Variants in DTNB observed in about 807,000 individuals in gnomAD.
DTNB encodes DTN-B.
In DTNB, 63 loss-of-function variants were observed where a neutral mutation model predicts 90.7. The observed-to-expected ratio is 0.69, with a 90% CI of 0.57 to 0.86. DTNB has a LOEUF of 0.86. Ranked by LOEUF, DTNB falls within the 40% of genes least tolerant of loss-of-function variation. The probability of loss-of-function intolerance (pLI) is 0.00; values close to 1 mark genes in which losing one functional copy is unlikely to be tolerated. For missense variants in DTNB, 744 were observed against 807.1 expected (o/e 0.92, Z 0.95); for synonymous variants, 277 against 286.7 (o/e 0.97, Z 0.34).
chr2:25,619,221 G>A (rs556219136), intron 4 of DTNB, among the ~76,000 whole-genome samples: 1 of 152,198 alleles, frequency 6.6e-6, no homozygotes, highest in South Asian at 2.1e-4. Context: ...AATGATTGTG[G>A]ATGCTGCCAA....
intron 8 of DTNB, among the ~76,000 whole-genome samples, chr2:25,563,301 G>A (rs954636698): frequency 2.6e-5 from 4 of 152,138 alleles, no homozygotes; most frequent in African/African-American, 9.7e-5. Flanking sequence ...GTTAGTTGGG[G>A]TGTTGTTTTT....
chr2:25,517,073 G>A (rs2075270884), intron 9 of DTNB, among the ~76,000 whole-genome samples: 1 of 151,934 alleles, frequency 6.6e-6, no homozygotes, highest in African/African-American at 2.4e-5. Flanking sequence ...ACTGGTGAAT[G>A]GATAACAAAA....
chr2:25,492,111 C>T (rs370699394), intron 9 of DTNB, among the ~76,000 whole-genome samples: 1 of 152,014 alleles, frequency 6.6e-6, no homozygotes, highest in Non-Finnish European at 1.5e-5. Flanking sequence ...AACAGCATGA[C>T]GTTAGATCAT....
intron 7 of DTNB, among the ~76,000 whole-genome samples, chr2:25,577,837 C>T (rs1177011423): frequency 6.6e-6 from 1 of 152,074 alleles, no homozygotes; most frequent in African/African-American, 2.4e-5. Context: ...CCCGTCTCTA[C>T]TAAAAATATA....
intron 15 of DTNB, among the ~76,000 whole-genome samples, chr2:25,422,670 T>A (rs776163626): frequency 2.0e-4 from 31 of 152,084 alleles, no homozygotes; most frequent in Non-Finnish European, 4.0e-4. Context: ...AGTGTTGGGA[T>A]TATAGGCATG....
chr2:25,645,039 T>G (rs1297842829), intron 2 of DTNB, among the ~76,000 whole-genome samples: 3 of 152,180 alleles, frequency 2.0e-5, no homozygotes, highest in East Asian at 1.9e-4. Flanking sequence ...GATTTAGACT[T>G]AAATTTATCT....
At chr2:25,418,107 T>C (rs1437384923) in intron 16 of DTNB, among the ~76,000 whole-genome samples, 1 of 152,188 alleles carries the variant, frequency 6.6e-6, no homozygotes, top group Non-Finnish European at 1.5e-5. Context: ...CAATAAACTC[T>C]GTGTGAATAA....
chr2:25,503,265 G>A (rs1157565876), intron 9 of DTNB, among the ~76,000 whole-genome samples: 2 of 151,630 alleles, frequency 1.3e-5, no homozygotes, highest in African/African-American at 4.9e-5. Context: ...TGAGACAGGA[G>A]GATCACTTGA....
intron 8 of DTNB, among the ~76,000 whole-genome samples, chr2:25,563,619 G>A (rs1227253254): frequency 3.3e-5 from 5 of 152,110 alleles, no homozygotes; most frequent in African/African-American, 1.2e-4. Flanking sequence ...TTTTGAATTC[G>A]TGTTTCATAT....
chr2:25,638,683 TTG>T (rs1483086462), intron 3 of DTNB, among the ~76,000 whole-genome samples: 12 of 152,208 alleles, frequency 7.9e-5, no homozygotes, highest in Admixed American at 3.3e-4. Context: ...ATCAAAAACA[TTG>T]TTTTTCTTTT....
chr2:25,622,344 C>T (rs573375950), intron 4 of DTNB, among the ~76,000 whole-genome samples: 16 of 152,170 alleles, frequency 1.1e-4, no homozygotes, highest in African/African-American at 3.1e-4. Context: ...ATTAGCCAGG[C>T]GTGGTGGCGT....
chr2:25,497,725 T>C (rs527364009), intron 9 of DTNB: 19 of 152,324 alleles, frequency 1.2e-4, no homozygotes, highest in African/African-American at 4.1e-4. Flanking sequence ...CATCATGAGA[T>C]TGTCTCTGCC....
intron 13 of DTNB, 42 bp downstream of exon 13, chr2:25,433,867 TA>T: frequency 6.2e-7 from 1 of 1,603,576 alleles, no homozygotes; most frequent in Non-Finnish European, 8.5e-7. Flanking sequence ...ACGCACGTGA[TA>T]ATCCTGGACT....
chr2:25,592,177 C>A (rs1410602597), intron 6 of DTNB, among the ~76,000 whole-genome samples: 1 of 151,506 alleles, frequency 6.6e-6, no homozygotes, highest in Admixed American at 6.6e-5. Flanking sequence ...TATTTTGGGG[C>A]AAACTCCAGA....
intron 8 of DTNB, among the ~76,000 whole-genome samples, chr2:25,564,016 C>T (rs1388619377): frequency 3.9e-5 from 6 of 152,184 alleles, no homozygotes; most frequent in Non-Finnish European, 7.3e-5. Flanking sequence ...ATTCTCCTAC[C>T]TCAGCCTCCT....
At chr2:25,439,709 C>A (rs10210057) in intron 12 of DTNB, among the ~76,000 whole-genome samples, 127,671 of 152,182 alleles carry the variant, frequency 0.84, 53,836 homozygotes, top group Non-Finnish European at 0.87. Flanking sequence ...CTGGCTGTGC[C>A]ACATTGAGTT....
rs572258595 is a variant in DTNB, at chr2:25,644,551, T to A, written c.68-5457A>T. ...CAGCTGAATCACCTGATCAGGAGTT[T>A]GAGACAGCCTGGCCAACATGGTGAA... is the stretch of plus-strand genomic sequence containing the variant. On this transcript the variant is annotated intron_variant, in intron 2 of 20. Transcript: ENST00000406818. 2.6e-5 allele frequency among the ~76,000 whole-genome samples: 4 copies of A among 152,204 alleles called. No individual in the cohort carries two copies. The South Asian group carries it at 8.3e-4, about 32-fold the overall frequency.
chr2:25,576,650 A>T (rs918993488), intron 8 of DTNB, 188 bp downstream of exon 8: 5 of 701,732 alleles, frequency 7.1e-6, no homozygotes, highest in Admixed American at 3.6e-5. Context: ...TGGAATTTTT[A>T]AAAATTCTGC....
At chr2:25,613,696 A>G (rs1413181020) in intron 4 of DTNB, among the ~76,000 whole-genome samples, 4 of 151,048 alleles carry the variant, frequency 2.6e-5, no homozygotes, top group African/African-American at 9.7e-5. Flanking sequence ...GCAGTGGCTC[A>G]CGCCTGTAAT....
Sources: gnomAD v4.1 joint callset for allele counts (sites outside exome capture counted in the v4.1 genomes callset) on GRCh38, gnomAD v4.1.1 for gene constraint, MANE v1.5 for transcripts, NCBI Gene and HGNC (gene_info 2026-07-23, HGNC 2026-07-21) for gene names.